RGS7: variants seen among roughly 807,000 people sequenced by gnomAD.
RGS7 encodes regulator of G-protein signaling 7.
Under a neutral mutation model 81.1 loss-of-function variants are expected in RGS7, and 27 were observed. The ratio of observed to expected loss-of-function variants is 0.33; its 90% CI spans 0.25 to 0.46. The LOEUF is 0.46. Ranked by LOEUF, RGS7 falls within the 20% of genes least tolerant of loss-of-function variation. The probability of loss-of-function intolerance (pLI) is 1.00; values close to 1 mark genes in which losing one functional copy is unlikely to be tolerated. For missense variants in RGS7, 396 were observed against 607.4 expected, an observed-to-expected ratio of 0.65 and a Z score of 3.66; for synonymous variants, 208 against 207.7, an observed-to-expected ratio of 1.00 and a Z score of -0.01.
At chr1:240,936,856 G>A (rs1254489551) in intron 4 of RGS7, 150 bp from the exon 5 acceptor site, 6 of 665,850 alleles carry the variant, frequency 9.0e-6, no homozygotes, top group Middle Eastern at 4.1e-4. Context: ...CTTTGCTCTC[G>A]AGATAAACTT....
chr1:240,947,913 G>A (rs1678913388), intron 4 of RGS7, among the ~76,000 whole-genome samples: 1 of 152,060 alleles, frequency 6.6e-6, no homozygotes, highest in Non-Finnish European at 1.5e-5. Flanking sequence ...CTAGTTCACA[G>A]ACCTCCTTGT....
intron 2 of RGS7, among the ~76,000 whole-genome samples, chr1:241,172,953 G>C (rs1299508385): frequency 6.6e-6 from 1 of 152,194 alleles, no homozygotes; most frequent in African/African-American, 2.4e-5. Context: ...ACAAGAGAAA[G>C]CCGAGGAATT....
At chr1:241,211,283 TC>T (rs1192317021) in intron 2 of RGS7, among the ~76,000 whole-genome samples, 7 of 152,038 alleles carry the variant, frequency 4.6e-5, no homozygotes, top group Admixed American at 1.3e-4. Flanking sequence ...CACTAGGCTA[TC>T]CCCTGCCCAC....
At chr1:241,193,036 T>C (rs1198597436) in intron 2 of RGS7, among the ~76,000 whole-genome samples, 1 of 152,220 alleles carries the variant, frequency 6.6e-6, no homozygotes, top group East Asian at 1.9e-4. Flanking sequence ...GGGCAGGTTC[T>C]GAAGAATGAC....
intron 2 of RGS7, among the ~76,000 whole-genome samples, chr1:241,120,672 A>C (rs2066188477): frequency 6.6e-6 from 1 of 152,050 alleles, no homozygotes; most frequent in South Asian, 2.1e-4. Flanking sequence ...TACAGGGGGA[A>C]ATTTTGTACT....
chr1:241,184,300 C>A (rs748684159), intron 2 of RGS7, among the ~76,000 whole-genome samples: 1 of 152,082 alleles, frequency 6.6e-6, no homozygotes, highest in African/African-American at 2.4e-5. Flanking sequence ...ACTCTGTTGA[C>A]GACAGCAGAA....
intron 5 of RGS7, among the ~76,000 whole-genome samples, chr1:240,934,288 A>T (rs1457799736): frequency 1.6e-4 from 25 of 152,188 alleles, no homozygotes; most frequent in Non-Finnish European, 1.5e-5. Flanking sequence ...TAGACTCCCA[A>T]TCATTCACTG....
chr1:241,023,623 T>C (rs12033216), intron 3 of RGS7, among the ~76,000 whole-genome samples: 67,644 of 151,648 alleles, frequency 0.45, 15,422 homozygotes, highest in Middle Eastern at 0.55. Context: ...CCTTTATTCC[T>C]TGAGCTCTGT....
chr1:241,013,528 C>T (rs1019946110), intron 3 of RGS7, among the ~76,000 whole-genome samples: 1 of 152,114 alleles, frequency 6.6e-6, no homozygotes, highest in Non-Finnish European at 1.5e-5. Context: ...TTTTTTCTCC[C>T]CTTCAACAGA....
At position 241,089,626 on chromosome 1, in the gene RGS7, T is replaced by A. The variant is rs34079288; in HGVS notation, c.175+9040A>T. On this transcript the variant is annotated intron_variant, in intron 3 of 18. Coordinates refer to ENST00000440928, the MANE Select transcript of RGS7 (RefSeq NM_001364886.1). ...CTCCATTTTTGTATAACAAATATAA[T>A]AACTAAACTTCCACCCTAATACTAA... Among the ~76,000 whole-genome samples the A allele has an allele frequency of 3.9e-5, 6 of 152,116 alleles. No individual in the cohort carries two copies. In the East Asian group the frequency reaches 5.8e-4, roughly 15 times the overall value.
At chr1:241,355,639 G>T in intron 2 of RGS7, 60 bp downstream of exon 2, 1 of 1,463,442 alleles carries the variant, frequency 6.8e-7, no homozygotes, top group Non-Finnish European at 9.6e-7. Flanking sequence ...ATCTAGAGGG[G>T]GAAAAAAATC....
At chr1:241,206,740 C>T (rs1392005299) in intron 2 of RGS7, among the ~76,000 whole-genome samples, 2 of 152,064 alleles carry the variant, frequency 1.3e-5, no homozygotes, top group Non-Finnish European at 2.9e-5. Flanking sequence ...CTAGCTCTCA[C>T]ATGATTTGAA....
At chr1:240,816,792 T>C (rs17696815) in intron 10 of RGS7, among the ~76,000 whole-genome samples, 18,119 of 152,170 alleles carry the variant, frequency 0.12, 1,261 homozygotes, top group Admixed American at 0.15. Flanking sequence ...AGGAATGCAA[T>C]AACTCAAAAG....
rs144548402 is a variant in RGS7, at chr1:240,917,350, A to C, written c.385+13367T>G. 5.6e-3 allele frequency among the ~76,000 whole-genome samples: 855 copies of C among 152,316 alleles called. 10 individuals are homozygous for C. The highest frequency in any genetic ancestry group is 0.02 in the African/African-American group (811 of 41,574). On this transcript the variant is annotated intron_variant, in intron 6 of 18. Transcript: ENST00000440928. ...AAGGAGTAAATGTACGTCAAACAAA[A>C]TCTCTTTATAGAAAGTTTCTTAATT...
intron 4 of RGS7, among the ~76,000 whole-genome samples, chr1:240,966,962 T>A (rs991080367): frequency 6.6e-6 from 1 of 152,164 alleles, no homozygotes; most frequent in African/African-American, 2.4e-5. Context: ...TGTGAAACAC[T>A]ATGTAGGGGT....
At chr1:240,926,311 T>G (rs1426182272) in intron 6 of RGS7, among the ~76,000 whole-genome samples, 1 of 152,160 alleles carries the variant, frequency 6.6e-6, no homozygotes, top group Non-Finnish European at 1.5e-5. Context: ...TTGAGTTAGT[T>G]TTTGTATATG....
intron 2 of RGS7, among the ~76,000 whole-genome samples, chr1:241,150,820 G>A (rs1374229910): frequency 3.3e-5 from 5 of 152,208 alleles, no homozygotes; most frequent in African/African-American, 4.8e-5. Flanking sequence ...AGCCAGGAGA[G>A]TGGCTCAGTC....
At chr1:241,343,038 G>A (rs571880403) in intron 2 of RGS7, among the ~76,000 whole-genome samples, 20 of 152,080 alleles carry the variant, frequency 1.3e-4, no homozygotes, top group East Asian at 3.9e-4. Context: ...AGAGGCAGGA[G>A]GATGACGAGG....
At chr1:240,833,222 C>G (rs980718465) in intron 9 of RGS7, among the ~76,000 whole-genome samples, 2 of 152,144 alleles carry the variant, frequency 1.3e-5, no homozygotes, top group African/African-American at 2.4e-5. Flanking sequence ...TACTAAGTGC[C>G]TAACAGGTGG....
Sources: allele counts gnomAD v4.1 joint callset (sites outside exome capture counted in the v4.1 genomes callset), GRCh38; gene constraint gnomAD v4.1.1; transcripts MANE v1.5; gene names NCBI Gene and HGNC (gene_info 2026-07-23, HGNC 2026-07-21).